Variants in TENM3 observed in about 807,000 individuals in gnomAD.
TENM3 encodes teneurin-3.
Under a neutral mutation model 255.1 loss-of-function variants are expected in TENM3, and 63 were observed. That is an observed-to-expected ratio of 0.25 (90% CI 0.20 to 0.30). TENM3 has a LOEUF of 0.30. Ranked by LOEUF, TENM3 falls within the 10% of genes least tolerant of loss-of-function variation. The pLI is 1.00. For synonymous variants in TENM3, 1,306 were observed against 1,322.3 expected (o/e 0.99, Z 0.27); for missense variants, 2,929 against 3,461.1 (o/e 0.85, Z 3.86).
At chr4:181,566,410 T>C in the TENM3 span, among the ~76,000 whole-genome samples, 1 of 152,196 alleles carries the variant, frequency 6.6e-6, no homozygotes, top group African/African-American at 2.4e-5. Context: ...TAAAAATCTT[T>C]ATTACTAAGC....
At chr4:181,629,625 T>A in the TENM3 span, among the ~76,000 whole-genome samples, 1 of 152,232 alleles carries the variant, frequency 6.6e-6, no homozygotes, top group African/African-American at 2.4e-5. Flanking sequence ...TCTGTTTATA[T>A]GCTGGATTAC....
At chr4:181,821,288 C>T in the TENM3 span, among the ~76,000 whole-genome samples, 4 of 152,094 alleles carry the variant, frequency 2.6e-5, no homozygotes, top group East Asian at 1.9e-4. Flanking sequence ...GCTGAAGTGC[C>T]GCTTGCTCCA....
chr4:181,599,471 C>T, the TENM3 span, among the ~76,000 whole-genome samples: 5 of 152,146 alleles, frequency 3.3e-5, 1 homozygote, highest in South Asian at 8.3e-4. Flanking sequence ...AATTATTGGA[C>T]AATAAGAGAG....
chr4:182,554,050 G>A (rs1040906296), intron 3 of TENM3, among the ~76,000 whole-genome samples: 1 of 152,090 alleles, frequency 6.6e-6, no homozygotes, highest in Non-Finnish European at 1.5e-5. Context: ...AATCTCAGAC[G>A]CAAGTGTAAG....
chr4:181,609,893 G>T, the TENM3 span, among the ~76,000 whole-genome samples: 1 of 150,050 alleles, frequency 6.7e-6, no homozygotes, highest in African/African-American at 2.4e-5. Context: ...AGACTTCAAA[G>T]AATTTAATAT....
At chr4:182,320,972 A>G (rs1763012796) in intron 1 of TENM3, among the ~76,000 whole-genome samples, 1 of 152,246 alleles carries the variant, frequency 6.6e-6, no homozygotes, top group Non-Finnish European at 1.5e-5. Context: ...TATATATAGC[A>G]ACACTTATTT....
At chr4:182,646,012 G>T (rs1752713627) in intron 5 of TENM3, among the ~76,000 whole-genome samples, 1 of 152,156 alleles carries the variant, frequency 6.6e-6, no homozygotes. Context: ...AGCTACATGT[G>T]CAGGGTGGTT....
intron 3 of TENM3, among the ~76,000 whole-genome samples, chr4:182,492,605 A>G (rs890007122): frequency 1.4e-4 from 22 of 152,092 alleles, no homozygotes; most frequent in Admixed American, 1.2e-3. Flanking sequence ...AAACCCTGCT[A>G]TTTTTAGAAA....
At chr4:182,374,117 G>A (rs546085287) in intron 3 of TENM3, among the ~76,000 whole-genome samples, 1 of 152,204 alleles carries the variant, frequency 6.6e-6, no homozygotes, top group South Asian at 2.1e-4. Context: ...TTACTCACAT[G>A]CTTTGTGTCT....
At chr4:182,635,472 C>T (rs1476547340) in intron 5 of TENM3, among the ~76,000 whole-genome samples, 1 of 152,150 alleles carries the variant, frequency 6.6e-6, no homozygotes, top group African/African-American at 2.4e-5. Flanking sequence ...TTTTTATCCC[C>T]ACAAAAATGT....
At chr4:182,153,697 A>G (rs774856645) in intron 1 of TENM3, among the ~76,000 whole-genome samples, 74 of 152,146 alleles carry the variant, frequency 4.9e-4, no homozygotes, top group Non-Finnish European at 7.4e-4. Flanking sequence ...TTCTTCTCAC[A>G]TTATCTGATG....
intron 13 of TENM3, among the ~76,000 whole-genome samples, chr4:182,724,781 T>A (rs1356552060): frequency 2.6e-5 from 4 of 152,218 alleles, no homozygotes. Flanking sequence ...ACCAGATTAA[T>A]GGAGAAAAAT....
the TENM3 span, among the ~76,000 whole-genome samples, chr4:181,998,095 G>A: frequency 1.3e-5 from 2 of 152,196 alleles, no homozygotes; most frequent in African/African-American, 4.8e-5. Flanking sequence ...TTAATCGCTG[G>A]TGACTTGTGA....
chr4:182,101,102 G>A, the TENM3 span, among the ~76,000 whole-genome samples: 1 of 41,742 alleles, frequency 2.4e-5, no homozygotes, highest in African/African-American at 9.1e-5. Flanking sequence ...GAGGGAGGGA[G>A]GGAGGAAGGA....
At chr4:181,592,666 T>C in the TENM3 span, among the ~76,000 whole-genome samples, 1 of 150,640 alleles carries the variant, frequency 6.6e-6, no homozygotes, top group South Asian at 2.1e-4. Context: ...ATCTCTCTTT[T>C]TTTTTTTTTT....
chr4:181,892,772 T>A, the TENM3 span, among the ~76,000 whole-genome samples: 7 of 152,190 alleles, frequency 4.6e-5, no homozygotes, highest in Non-Finnish European at 1.0e-4. Flanking sequence ...GTGGTTTTTC[T>A]CATGTTCTGA....
intron 3 of TENM3, among the ~76,000 whole-genome samples, chr4:182,348,097 G>A (rs572769179): frequency 1.3e-5 from 2 of 152,018 alleles, no homozygotes; most frequent in Non-Finnish European, 2.9e-5. Flanking sequence ...TTAAACCAAT[G>A]CAATCAATTT....
rs769228999 is a variant in TENM3, at chr4:182,773,647, G to C, written c.5068G>C (p.Asp1690His). 1 of 1,608,500 alleles carries C rather than the reference G, an allele frequency of 6.2e-7. No homozygotes were observed. The highest frequency in any genetic ancestry group is 8.5e-7 in the Non-Finnish European group (1 of 1,176,798). The change falls in exon 23 of 28, where the codon GAT becomes CAT. Residue 1690 changes from aspartate to histidine, a missense_variant and splice_region_variant. Coordinates refer to ENST00000511685, the MANE Select transcript of TENM3 (RefSeq NM_001080477.4). ...CGATTCTTTCTACACCATGGTTCAA[G>C]GTAAACACGAAAGCATCATTTTAAA... is the stretch of plus-strand genomic sequence containing the variant. ...SIDSFYTMVQDQLRNSYQIGY... is the reference protein window; with the variant it reads ...SIDSFYTMVQHQLRNSYQIGY...
the TENM3 span, among the ~76,000 whole-genome samples, chr4:182,029,273 C>T: frequency 1.3e-5 from 2 of 152,060 alleles, no homozygotes; most frequent in Non-Finnish European, 2.9e-5. Flanking sequence ...CCTCTTGCTC[C>T]ATGATCCAAT....
Sources: allele counts gnomAD v4.1 joint callset (sites outside exome capture counted in the v4.1 genomes callset), GRCh38; gene constraint gnomAD v4.1.1; transcripts MANE v1.5; gene names NCBI Gene and HGNC (gene_info 2026-07-23, HGNC 2026-07-21).